Variants in TRPM3 observed in about 807,000 individuals in gnomAD.
TRPM3 encodes the protein transient receptor potential cation channel subfamily M member 3, also known as long transient receptor potential channel 3.
A neutral mutation model predicts 181.2 loss-of-function variants in TRPM3; 77 were observed. The ratio of observed to expected loss-of-function variants is 0.42; its 90% CI spans 0.35 to 0.51. The LOEUF (loss-of-function observed/expected upper bound fraction) is 0.51, where lower values mean the gene tolerates loss of function less well. Ranked by LOEUF, TRPM3 falls within the 20% of genes least tolerant of loss-of-function variation. TRPM3 has a pLI of 0.01. For synonymous variants in TRPM3, 745 were observed against 796.4 expected, an observed-to-expected ratio of 0.94 and a Z score of 1.09; for missense variants, 1,759 against 2,196.7, an observed-to-expected ratio of 0.80 and a Z score of 3.98.
chr9:71,375,525 G>A (rs1259329952), intron 1 of TRPM3, among the ~76,000 whole-genome samples: 1 of 152,146 alleles, frequency 6.6e-6, no homozygotes, highest in East Asian at 1.9e-4. Flanking sequence ...TTGACAAATA[G>A]AATCTAATTA....
intron 7 of TRPM3, among the ~76,000 whole-genome samples, chr9:70,764,512 A>AG (rs1328720515): frequency 6.6e-6 from 1 of 152,146 alleles, no homozygotes; most frequent in Admixed American, 6.6e-5. Flanking sequence ...ACTTTCTAAA[A>AG]ATTGAGGAAT....
At chr9:70,885,958 C>G (rs2096075482) in intron 1 of TRPM3, among the ~76,000 whole-genome samples, 1 of 152,050 alleles carries the variant, frequency 6.6e-6, no homozygotes, top group African/African-American at 2.4e-5. Context: ...TTAAAATATA[C>G]CACGGAAAGT....
chr9:70,546,330 T>C (rs2044876057), intron 25 of TRPM3, among the ~76,000 whole-genome samples: 1 of 152,174 alleles, frequency 6.6e-6, no homozygotes, highest in Non-Finnish European at 1.5e-5. Flanking sequence ...GCAGATCTAG[T>C]GACAGAAACT....
intron 8 of TRPM3, among the ~76,000 whole-genome samples, chr9:70,691,964 G>C (rs1270791013): frequency 3.9e-5 from 6 of 152,072 alleles, no homozygotes; most frequent in African/African-American, 1.2e-4. Context: ...TATCACTAGA[G>C]ACAGAAACTA....
At chr9:71,172,063 C>T (rs1261417417) in intron 1 of TRPM3, among the ~76,000 whole-genome samples, 1 of 151,954 alleles carries the variant, frequency 6.6e-6, no homozygotes, top group African/African-American at 2.4e-5. Flanking sequence ...CATACCTGGC[C>T]AGTTTTTTTG....
chr9:70,598,866 A>C (rs2059432399), intron 20 of TRPM3, among the ~76,000 whole-genome samples, 196 bp from the exon 21 acceptor site: 1 of 152,250 alleles, frequency 6.6e-6, no homozygotes, highest in South Asian at 2.1e-4. Context: ...CCAAAGGCAC[A>C]TATAAGCAAT....
intron 8 of TRPM3, among the ~76,000 whole-genome samples, chr9:70,685,537 C>T (rs2066527827): frequency 6.6e-6 from 1 of 152,134 alleles, no homozygotes; most frequent in Non-Finnish European, 1.5e-5. Flanking sequence ...TCCTGAGTAC[C>T]TGGGACTACA....
In TRPM3 at chr9:71,430,936, A is replaced by G. The variant is rs113594818; in HGVS notation, c.183+15717T>C. Among the ~76,000 whole-genome samples, 199 of 152,342 alleles carry G rather than the reference A, an allele frequency of 1.3e-3. 1 individual carries two copies. Among genetic ancestry groups the G allele is most frequent in the African/African-American group, 4.7e-3 (195 of 41,578 alleles). On this transcript the variant is annotated intron_variant, in intron 1 of 24. Transcript: ENST00000357533. ...TCTGATCTGAATGCAGTTTCTTGCC[A>G]TAATAAGTAGGAAGCATAAAACATA...
chr9:70,842,494 T>A (rs980964703), intron 5 of TRPM3, among the ~76,000 whole-genome samples: 7 of 152,106 alleles, frequency 4.6e-5, no homozygotes, highest in Non-Finnish European at 8.8e-5. Context: ...TCGCCACTTT[T>A]AAAAAAAATT....
chr9:71,439,948 T>A (rs1463009706), intron 1 of TRPM3, among the ~76,000 whole-genome samples: 1 of 151,910 alleles, frequency 6.6e-6, no homozygotes, highest in East Asian at 1.9e-4. Flanking sequence ...GGTGAAACCC[T>A]GTCGCTACTA....
At chr9:70,863,295 T>A (rs1443572487) in intron 2 of TRPM3, among the ~76,000 whole-genome samples, 183 bp from the exon 3 acceptor site, 2 of 152,138 alleles carry the variant, frequency 1.3e-5, no homozygotes, top group Admixed American at 1.3e-4. Flanking sequence ...TATACATATC[T>A]TTTCTTTTCT....
chr9:71,248,638 G>A (rs2082169815), intron 1 of TRPM3, among the ~76,000 whole-genome samples: 1 of 152,174 alleles, frequency 6.6e-6, no homozygotes, highest in African/African-American at 2.4e-5. Context: ...GGCCAGAGGA[G>A]AGATAAAGTC....
intron 1 of TRPM3, among the ~76,000 whole-genome samples, chr9:71,409,866 C>T (rs1292797704): frequency 6.6e-6 from 1 of 152,196 alleles, no homozygotes; most frequent in African/African-American, 2.4e-5. Flanking sequence ...AAGTGAAGCA[C>T]TCCTCAGCAA....
In TRPM3 at chr9:70,843,065, A is replaced by G. The variant is rs745835144; in HGVS notation, c.739T>C (p.Cys247Arg). The change falls in exon 5 of 26, where the codon TGC becomes CGC. Residue 247 changes from cysteine (C) to arginine (R), a missense_variant. This residue lies in a region of TRPM3 where 737 missense variants were observed against 957.4 expected (regional missense o/e 0.77). Coordinates refer to ENST00000677713, the MANE Select transcript of TRPM3 (RefSeq NM_001366145.2). ...DHASKSRGKI[C>R]TIGIAPWGIV... The stretch of plus-strand genomic sequence containing the variant: ...CCCCAGGGGGCAATACCTATGGTGC[A>G]TATCTTTCCTCGAGACTTAGAGGCA... The G allele has an allele frequency of 2.5e-6, 4 of 1,613,746 alleles. No individual in the cohort carries two copies. The highest frequency in any genetic ancestry group is 3.4e-6 in the Non-Finnish European group (4 of 1,179,844).
At chr9:71,007,356 A>G (rs1279731622) in intron 1 of TRPM3, among the ~76,000 whole-genome samples, 1 of 152,158 alleles carries the variant, frequency 6.6e-6, no homozygotes, top group Non-Finnish European at 1.5e-5. Flanking sequence ...TTTAGACCAA[A>G]TGTACCTAAC....
intron 2 of TRPM3, among the ~76,000 whole-genome samples, chr9:70,863,393 T>C (rs1194752022): frequency 1.3e-5 from 2 of 152,152 alleles, no homozygotes; most frequent in African/African-American, 4.8e-5. Flanking sequence ...GGCATTTTGT[T>C]CAGGATTGGA....
intron 1 of TRPM3, among the ~76,000 whole-genome samples, chr9:71,027,737 G>C (rs982166686): frequency 2.0e-5 from 3 of 151,922 alleles, no homozygotes; most frequent in Non-Finnish European, 2.9e-5. Context: ...ACTAGCTTTT[G>C]GAAATAAGAC....
At chr9:71,218,572 C>T (rs1186400148) in intron 1 of TRPM3, among the ~76,000 whole-genome samples, 1 of 152,112 alleles carries the variant, frequency 6.6e-6, no homozygotes, top group Non-Finnish European at 1.5e-5. Flanking sequence ...ATAGACATTG[C>T]ATCCTTCATT....
chr9:70,547,770 C>T (rs533816566), intron 25 of TRPM3, among the ~76,000 whole-genome samples: 2 of 152,072 alleles, frequency 1.3e-5, no homozygotes, highest in Admixed American at 1.3e-4. Context: ...GAGAGTTGCT[C>T]ACCTTGGCCA....
Sources: allele counts gnomAD v4.1 joint callset (sites outside exome capture counted in the v4.1 genomes callset), GRCh38; gene constraint gnomAD v4.1.1; regional missense constraint gnomAD v4.1.1; transcripts MANE v1.5; gene names NCBI Gene and HGNC (gene_info 2026-07-23, HGNC 2026-07-21).